Variants in FGF3 observed in about 807,000 individuals in gnomAD.
FGF3 encodes the protein FGF-3.
In FGF3, 7 loss-of-function variants were observed where a neutral mutation model predicts 9.8. The observed-to-expected ratio is 0.72, with a 90% CI of 0.41 to 1.35. The LOEUF (loss-of-function observed/expected upper bound fraction) is 1.35. Ranked by LOEUF, FGF3 falls within the 40% of genes most tolerant of loss-of-function variation. FGF3 has a pLI of 0.01. For synonymous variants in FGF3, 173 were observed against 157.2 expected (o/e 1.10, Z -0.75); for missense variants, 390 against 345.6 (o/e 1.13, Z -1.02).
At chr11:69,814,273 T>G (rs1590963490) in intron 2 of FGF3, among the ~76,000 whole-genome samples, 4 of 150,282 alleles carry the variant, frequency 2.7e-5, no homozygotes, top group South Asian at 2.1e-4. Context: ...GGAGGTGAGG[T>G]GTGTGGGCTG....
intron 1 of FGF3, 129 bp downstream of exon 1, chr11:69,818,585 C>A: frequency 3.3e-6 from 2 of 614,412 alleles, no homozygotes; most frequent in Non-Finnish European, 5.0e-6. Context: ...CCGGGCGCAC[C>A]ATGCCTTCTC....
rs897982425 is a variant in FGF3, at chr11:69,818,267, G to A, written c.220+447C>T. On this transcript the variant is annotated intron_variant, in intron 1 of 2. Coordinates refer to ENST00000334134, the MANE Select transcript of FGF3 (RefSeq NM_005247.4). The stretch of plus-strand genomic sequence containing the variant: ...GAGGAGAAGTCGTCAAAATAATAAA[G>A]AGGATGATAAATGCCTTGTCCGGCT... Among the ~76,000 whole-genome samples, 8 of 152,300 alleles carry A rather than the reference G, an allele frequency of 5.3e-5. No individual in the cohort carries two copies. The East Asian group carries it at 1.2e-3, about 22-fold the overall frequency.
chr11:69,815,819 C>T (rs1304646472), intron 2 of FGF3, among the ~76,000 whole-genome samples: 3 of 152,146 alleles, frequency 2.0e-5, no homozygotes, highest in African/African-American at 7.2e-5. Flanking sequence ...CTCCTGTGTG[C>T]CCGGGACATG....
chr11:69,812,215 C>T (rs571069090), intron 2 of FGF3, among the ~76,000 whole-genome samples: 2 of 152,220 alleles, frequency 1.3e-5, no homozygotes, highest in South Asian at 4.1e-4. Flanking sequence ...TGGTCTGTCC[C>T]CATCTGGGGT....
At chr11:69,817,311 GC>G (rs1856150168) in intron 1 of FGF3, among the ~76,000 whole-genome samples, 1 of 152,116 alleles carries the variant, frequency 6.6e-6, no homozygotes, top group Non-Finnish European at 1.5e-5. Flanking sequence ...TCACCACCGG[GC>G]TTTTGCTCCA....
intron 2 of FGF3, 64 bp from the exon 3 acceptor site, chr11:69,810,764 T>A (rs781930358): frequency 1.5e-4 from 219 of 1,429,862 alleles, no homozygotes; most frequent in Non-Finnish European, 1.9e-4. Context: ...GGGCCCAGGG[T>A]TGCCTGATGC....
At chr11:69,818,084 C>T (rs1297001114) in intron 1 of FGF3, among the ~76,000 whole-genome samples, 1 of 144,406 alleles carries the variant, frequency 6.9e-6, no homozygotes, top group Non-Finnish European at 1.6e-5. Flanking sequence ...GTGCAGATTC[C>T]AGCGCGGGGA....
At chr11:69,813,985 A>G (rs1856086463) in intron 2 of FGF3, among the ~76,000 whole-genome samples, 1 of 151,528 alleles carries the variant, frequency 6.6e-6, no homozygotes, top group South Asian at 2.1e-4. Flanking sequence ...GATGGAAGGA[A>G]GGAGGGAGCA....
rs1565113424 is a variant in FGF3 at position 69,810,380 on chromosome 11, C to CT, written c.644dup (p.Ser216GlufsTer4). On this transcript the variant is annotated frameshift_variant, in exon 3 of 3. Coordinates refer to ENST00000334134, the MANE Select transcript of FGF3 (RefSeq NM_005247.4). LOFTEE classifies it low-confidence loss of function (END_TRUNC). ...GAGAGGGCTCCAGGTTATCCGGGCT[C>CT]TGCTTCTGCCGCCGCCGTCGGGGCT... The CT allele has an allele frequency of 1.3e-6, 2 of 1,561,228 alleles. No homozygotes were observed. Among genetic ancestry groups the CT allele is most frequent in the Non-Finnish European group, 1.7e-6 (2 of 1,149,876 alleles).
At position 69,810,283 on chromosome 11, in the gene FGF3, T is replaced by C. The variant is rs782332480; in HGVS notation, c.*22A>G. On this transcript the variant is annotated 3_prime_UTR_variant, in exon 3 of 3. Transcript: ENST00000334134. ...CACGCCAAGATGTCGCCAGGAGCTC[T>C]GGCGGTGGCCACCAGGCCCAGCTAG... The C allele has an allele frequency of 6.5e-7, 1 of 1,540,872 alleles. No homozygotes were observed. Among genetic ancestry groups the C allele is most frequent in the Non-Finnish European group, 8.8e-7 (1 of 1,137,680 alleles).
chr11:69,816,892 G>T (rs1452508479), intron 1 of FGF3, among the ~76,000 whole-genome samples: 1 of 152,184 alleles, frequency 6.6e-6, no homozygotes, highest in Non-Finnish European at 1.5e-5. Flanking sequence ...CAGCGGGAAA[G>T]CTGGGCCCTG....
At position 69,816,339 on chromosome 11, in the gene FGF3, C is replaced by T. The variant is rs782695249; in HGVS notation, c.305G>A (p.Arg102Lys). The T allele has an allele frequency of 8.1e-6, 13 of 1,613,978 alleles. No homozygotes were observed. The highest frequency in any genetic ancestry group is 1.1e-5 in the South Asian group (1 of 91,084). The stretch of plus-strand genomic sequence containing the variant: ...ACTCACCGAAGCATAGAGTCGTCCC[C>T]TCTTGTTCATGGCCAGGTACCGCCC... ...FSGRYLAMNK[R>K]GRLYASEHYS... The change falls in exon 2 of 3, where the codon AGG (arginine) becomes AAG (lysine). Residue 102 changes from arginine to lysine, a missense_variant. By Grantham distance (26) the Arg-to-Lys change is conservative. Transcript: ENST00000334134.
chr11:69,817,761 G>T (rs1369951358), intron 1 of FGF3, among the ~76,000 whole-genome samples: 1 of 152,146 alleles, frequency 6.6e-6, no homozygotes, highest in Non-Finnish European at 1.5e-5. Context: ...AGCACCCGAG[G>T]ACAGCTGTGG....
Position 69,810,288 on chromosome 11 carries a change from G to A in FGF3, c.*17C>T. 2 of 1,545,072 alleles carry A rather than the reference G, an allele frequency of 1.3e-6. No homozygotes were observed. The highest frequency in any genetic ancestry group is 2.4e-5 in the South Asian group (2 of 83,770). On this transcript the variant is annotated 3_prime_UTR_variant, in exon 3 of 3. Transcript: ENST00000334134. Reference sequence around the variant, plus strand: ...CAAGATGTCGCCAGGAGCTCTGGCGGTGGCCACCAGGCCCAGCTAGTGCGC... The same window carrying A: ...CAAGATGTCGCCAGGAGCTCTGGCGATGGCCACCAGGCCCAGCTAGTGCGC...
chr11:69,817,117 C>G (rs1856145146), intron 1 of FGF3, among the ~76,000 whole-genome samples: 1 of 152,138 alleles, frequency 6.6e-6, no homozygotes, highest in Non-Finnish European at 1.5e-5. Context: ...TCCCCTCCCG[C>G]CTTTCCTTCT....
chr11:69,816,627 C>T (rs1371783376), intron 1 of FGF3, among the ~76,000 whole-genome samples: 1 of 152,192 alleles, frequency 6.6e-6, no homozygotes, highest in Non-Finnish European at 1.5e-5. Flanking sequence ...GAAGGCTTCT[C>T]TTCATTCAAA....
intron 2 of FGF3, among the ~76,000 whole-genome samples, chr11:69,815,298 GTGGATGGA>G (rs1590964059): frequency 2.0e-5 from 3 of 148,560 alleles, no homozygotes; most frequent in Non-Finnish European, 4.5e-5. Context: ...GGGTGGATGA[GTGGATGGA>G]TGGATGGGTG....
rs1419524448 is a variant in FGF3, at chr11:69,818,720, C to T, written c.214G>A (p.Ala72Thr). ...CGCAGCGTCCGGCACTCACTGTAGG[C>T]GCTGTTCTCCAGGCTGCCGTTGACG... is the stretch of plus-strand genomic sequence containing the variant. ...GRVNGSLENS[A>T]YSILEITAVE... Residue 72 changes from alanine (A) to threonine (T), a missense_variant, in exon 1 of 3, where the codon GCC (alanine) becomes ACC (threonine). Transcript: ENST00000334134. 2.7e-6 allele frequency: 4 copies of T among 1,488,128 alleles called. No individual in the cohort carries two copies. The highest frequency in any genetic ancestry group is 1.5e-5 in the African/African-American group (1 of 68,526). 92.2% of individuals were successfully genotyped at this position (1,488,128 alleles called of 1,614,324 possible).
intron 1 of FGF3, among the ~76,000 whole-genome samples, chr11:69,818,272 T>A (rs1237111294): frequency 6.6e-6 from 1 of 152,036 alleles, no homozygotes; most frequent in Non-Finnish European, 1.5e-5. Context: ...ATAAAGAGGA[T>A]GATAAATGCC....
Sources: gnomAD v4.1 joint callset for allele counts (sites outside exome capture counted in the v4.1 genomes callset) on GRCh38, gnomAD v4.1.1 for gene constraint, MANE v1.5 for transcripts, NCBI Gene and HGNC (gene_info 2026-07-23, HGNC 2026-07-21) for gene names.